PABIR3: variants seen among roughly 807,000 people sequenced by gnomAD.
PABIR3 encodes the protein PABIR family member 3.
PABIR3 carries 20 observed loss-of-function variants against 23.1 expected under a neutral mutation model. That is an observed-to-expected ratio of 0.86 (90% CI 0.61 to 1.26). PABIR3 has a LOEUF of 1.26. Among genes scored for constraint, PABIR3 ranks in the 50% most tolerant of loss-of-function variants. PABIR3 has a pLI of 0.00. For synonymous variants in PABIR3, 69 were observed against 68.5 expected (o/e 1.01, Z -0.04); for missense variants, 189 against 195.4 (o/e 0.97, Z 0.20).
chrX:134,847,893 C>T lies in PABIR3; in HGVS notation c.449C>T (p.Ser150Phe), dbSNP rs1354812672. The change falls in exon 8 of 11, where the codon TCT (serine) becomes TTT (phenylalanine). Residue 150 changes from serine (S) to phenylalanine (F), a missense_variant. By Grantham distance (155) the Ser-to-Phe change is radical. Coordinates refer to ENST00000645433, the MANE Select transcript of PABIR3 (RefSeq NM_001388447.1). ...SIKKTGKQCF[S>F]PSLQTCVSCT... is the part of the protein sequence containing the mutation. ...CCAATTTGATTTTAGCAGTGTTTCT[C>T]TCCATCATTACAAACTTGTGTGAGT... 1 of 1,154,766 alleles carries T rather than the reference C, an allele frequency of 8.7e-7. No homozygotes were observed. Among genetic ancestry groups the T allele is most frequent in the Admixed American group, 2.6e-5 (1 of 38,641 alleles).
chrX:134,811,847 C>T (rs1339274885), intron 2 of PABIR3, among the ~76,000 whole-genome samples: 2 of 112,285 alleles, frequency 1.8e-5, no homozygotes, highest in African/African-American at 6.5e-5. Flanking sequence ...TAGTTGTTAT[C>T]TATGGCTACT....
intron 9 of PABIR3, among the ~76,000 whole-genome samples, chrX:134,849,730 A>G (rs1206799019): frequency 9.1e-6 from 1 of 110,404 alleles, no homozygotes; most frequent in East Asian, 2.9e-4. Flanking sequence ...GGTTAAATAT[A>G]TGGAAAGTGA....
chrX:134,847,579 C>T (rs2082477370), intron 7 of PABIR3, 104 bp downstream of exon 7: 2 of 558,898 alleles, frequency 3.6e-6, no homozygotes, highest in Non-Finnish European at 5.8e-6. Context: ...TATATTTTGT[C>T]ACAGTACATC....
In PABIR3 at chrX:134,854,119, G is replaced by C. The variant is rs1033460516; in HGVS notation, c.715G>C (p.Asp239His). 1 of 1,210,936 alleles carries C rather than the reference G, an allele frequency of 8.3e-7. No homozygotes were observed. Among genetic ancestry groups the C allele is most frequent in the South Asian group, 1.8e-5 (1 of 56,788 alleles). Residue 239 changes from aspartate to histidine, a missense_variant, in exon 11 of 11, where the codon GAC becomes CAC. Coordinates refer to ENST00000645433, the MANE Select transcript of PABIR3 (RefSeq NM_001388447.1). The part of the protein sequence containing the change: ...YLLPATFDGN[D>H]SNAGSSGNSS... ...ACTTCCAGCTACTTTTGATGGAAAC[G>C]ACAGCAATGCTGGATCTTCTGGTAA...
chrX:134,858,143 C>T (rs1304460650), downstream of PABIR3, among the ~76,000 whole-genome samples: 2 of 111,818 alleles, frequency 1.8e-5, no homozygotes, highest in Non-Finnish European at 3.8e-5. Flanking sequence ...GAATCTACCT[C>T]TCAATGCAGA....
At chrX:134,836,381 T>A (rs1025303898) in intron 4 of PABIR3, among the ~76,000 whole-genome samples, 1 of 112,918 alleles carries the variant, frequency 8.9e-6, no homozygotes, top group Non-Finnish European at 1.9e-5. Context: ...AAACAGTTTG[T>A]ATATTTGCTC....
intron 6 of PABIR3, among the ~76,000 whole-genome samples, chrX:134,846,178 C>T (rs1057443504): frequency 3.6e-5 from 4 of 111,154 alleles, no homozygotes; most frequent in African/African-American, 1.3e-4. Context: ...CTTATAAAGC[C>T]GTCAAATCTC....
Position 134,829,262 on chromosome X carries a change from C to T in PABIR3, c.226C>T (p.Arg76Cys), listed in dbSNP as rs143835393. 315 of 1,205,538 alleles carry T rather than the reference C, an allele frequency of 2.6e-4. No individual in the cohort carries two copies. Among genetic ancestry groups the T allele is most frequent in the Non-Finnish European group, 3.4e-4 (302 of 892,491 alleles). ...TCCTCCCTTTCATGGTTCCATCAGC[C>T]GCCTTCATCAAATCAAACAGGTAAG... ...PPPPFHGSIS[R>C]LHQIKQEEAM... The change falls in exon 4 of 11, where the codon CGC becomes TGC. Residue 76 changes from arginine to cysteine, a missense_variant. Coordinates refer to ENST00000645433, the MANE Select transcript of PABIR3 (RefSeq NM_001388447.1).
chrX:134,849,754 T>TAATAAAAGGGCAGTGGAAAG lies in PABIR3; in HGVS notation c.589+548_589+567dup, dbSNP rs745798805. Among the ~76,000 whole-genome samples, 55 of 109,678 alleles carry TAATAAAAGGGCAGTGGAAAG rather than the reference T, an allele frequency of 5.0e-4. No homozygotes were observed. The East Asian group carries it at 0.015, about 30-fold the overall frequency. On this transcript the variant is annotated intron_variant, in intron 9 of 10. Transcript: ENST00000645433. ...TATGGAAAGTGACCCACCTACTCAG[T>TAATAAAAGGGCAGTGGAAAG]AATAAAAGGGCAGTGGAAAGAATAA...
At chrX:134,828,045 C>A (rs60089970) in intron 3 of PABIR3, among the ~76,000 whole-genome samples, 12,374 of 56,870 alleles carry the variant, frequency 0.22, 1,505 homozygotes, top group Non-Finnish European at 0.25. Flanking sequence ...CTCTCTCTCT[C>A]TCTATATATA....
chrX:134,845,500 C>T, intron 6 of PABIR3, 99 bp downstream of exon 6: 1 of 733,448 alleles, frequency 1.4e-6, no homozygotes, highest in Non-Finnish European at 2.0e-6. Context: ...GAAATCTAAG[C>T]TCTATTTTGA....
chrX:134,855,115 T>A (rs1001169726), downstream of PABIR3, among the ~76,000 whole-genome samples: 8 of 110,858 alleles, frequency 7.2e-5, no homozygotes, highest in African/African-American at 1.3e-4. Context: ...TTTTTTTTTT[T>A]AAATAGGAAA....
chrX:134,808,422 C>T (rs1364232345), intron 2 of PABIR3, among the ~76,000 whole-genome samples: 2 of 111,039 alleles, frequency 1.8e-5, no homozygotes, highest in Non-Finnish European at 3.8e-5. Flanking sequence ...ACTCTGTCGC[C>T]CAGGCTGGAG....
chrX:134,855,831 T>C (rs768674840), downstream of PABIR3, among the ~76,000 whole-genome samples: 2 of 111,929 alleles, frequency 1.8e-5, no homozygotes, highest in Non-Finnish European at 3.8e-5. Context: ...TTCTATAAAT[T>C]GGCTAAGAAC....
At chrX:134,843,810 G>GCCCACCT (rs901895295) in intron 4 of PABIR3, among the ~76,000 whole-genome samples, 8 of 108,797 alleles carry the variant, frequency 7.4e-5, no homozygotes, top group Non-Finnish European at 1.1e-4. Flanking sequence ...CTCGTGATCC[G>GCCCACCT]CCCACCTCGG....
chrX:134,800,886 C>T (rs1330658775), intron 1 of PABIR3, among the ~76,000 whole-genome samples: 1 of 112,517 alleles, frequency 8.9e-6, no homozygotes, highest in Non-Finnish European at 1.9e-5. Flanking sequence ...AGATCTAGAA[C>T]TGCCCGAAAG....
chrX:134,819,480 A>G (rs922492851), intron 3 of PABIR3, among the ~76,000 whole-genome samples: 1 of 111,755 alleles, frequency 8.9e-6, no homozygotes, highest in Non-Finnish European at 1.9e-5. Flanking sequence ...TTATTATTAT[A>G]AGACATAAGT....
Position 134,799,228 on chromosome X carries a change from T to G in PABIR3, c.-98+2364T>G, listed in dbSNP as rs180919834. Among the ~76,000 whole-genome samples the G allele has an allele frequency of 1.1e-4, 12 of 112,080 alleles. No individual in the cohort carries two copies. The East Asian group carries it at 3.1e-3, about 29-fold the overall frequency. ...ATTTTCAAGATGAAATATTTTAGCATTAGGCCATAATAACAGAATTGGAGG... is the reference window on the plus strand; with the variant it reads ...ATTTTCAAGATGAAATATTTTAGCAGTAGGCCATAATAACAGAATTGGAGG... On this transcript the variant is annotated intron_variant, in intron 1 of 4. Coordinates refer to the PABIR3 transcript ENST00000414371.
At chrX:134,814,922 T>C (rs1055184542) in intron 3 of PABIR3, 73 bp downstream of exon 3, 2 of 823,416 alleles carry the variant, frequency 2.4e-6, no homozygotes, top group Non-Finnish European at 3.4e-6. Context: ...GTCTTCAAAC[T>C]TGAGCATTCA....
Sources: gnomAD v4.1 joint callset for allele counts (sites outside exome capture counted in the v4.1 genomes callset) on GRCh38, gnomAD v4.1.1 for gene constraint, MANE v1.5 for transcripts, NCBI Gene and HGNC (gene_info 2026-07-23, HGNC 2026-07-21) for gene names.